Variants in PTPRD observed in about 807,000 individuals in gnomAD.
PTPRD encodes receptor-type tyrosine-protein phosphatase delta.
Under a neutral mutation model 214.5 loss-of-function variants are expected in PTPRD, and 34 were observed. The observed-to-expected ratio is 0.16, with a 90% CI of 0.12 to 0.21. PTPRD has a LOEUF of 0.21. PTPRD is among the 10% of genes least tolerant of loss of function. The pLI, the probability that PTPRD is intolerant of heterozygous loss-of-function variation, is 1.00. For synonymous variants in PTPRD, 1,128 were observed against 845.7 expected, an observed-to-expected ratio of 1.33 and a Z score of -5.79; for missense variants, 2,545 against 2,398.7, an observed-to-expected ratio of 1.06 and a Z score of -1.27.
At chr9:8,540,994 T>C (rs1433486038) in intron 14 of PTPRD, among the ~76,000 whole-genome samples, 1 of 152,120 alleles carries the variant, frequency 6.6e-6, no homozygotes, top group Admixed American at 6.6e-5. Context: ...TTAGAGGGTG[T>C]CTTGAAAGAT....
intron 4 of PTPRD, among the ~76,000 whole-genome samples, chr9:9,969,367 T>G (rs144149495): frequency 0.017 from 2,584 of 152,206 alleles, 80 homozygotes; most frequent in African/African-American, 0.059. Context: ...CTCTTCTTCC[T>G]ACTCCCACCA....
In PTPRD at chr9:8,389,277, C is replaced by G. The variant is rs2135642503; in HGVS notation, c.4341G>C (p.Arg1447=). 1 of 1,612,722 alleles carries G rather than the reference C, an allele frequency of 6.2e-7. No homozygotes were observed. Among genetic ancestry groups the G allele is most frequent in the Non-Finnish European group, 8.5e-7 (1 of 1,179,258 alleles). ...TTGTCATCATGACAACTGTGGCACT[C>G]CGTTGTTCCCATATCATTCTCCAAA... ...GDFWRMIWEQ[R]SATVVMMTKL... is the part of the protein sequence containing the mutation. The change falls in exon 37 of 46, where the codon CGG becomes CGC. Residue 1447 remains arginine (R), a synonymous_variant. Transcript: ENST00000381196.
chr9:9,400,978 A>G (rs2070180031), intron 8 of PTPRD, among the ~76,000 whole-genome samples: 1 of 152,010 alleles, frequency 6.6e-6, no homozygotes, highest in African/African-American at 2.4e-5. Flanking sequence ...CAGAATACTA[A>G]GTTGGATATT....
intron 2 of PTPRD, among the ~76,000 whole-genome samples, chr9:10,509,564 TA>T (rs369013890): frequency 5.5e-5 from 2 of 36,182 alleles, no homozygotes; most frequent in African/African-American, 9.9e-5. Context: ...ATATTATATA[TA>T]TATATATATA....
In PTPRD at chr9:8,524,915, T is replaced by C. The variant is rs1564064785; in HGVS notation, c.679+10A>G. 1.2e-6 allele frequency: 2 copies of C among 1,611,190 alleles called. No individual in the cohort carries two copies. The highest frequency in any genetic ancestry group is 1.7e-6 in the Non-Finnish European group (2 of 1,177,520). On this transcript the variant is annotated intron_variant, in intron 18 of 45. Coordinates refer to ENST00000381196, the MANE Select transcript of PTPRD (RefSeq NM_002839.4). ...ATGAAGAAGCGATGCCAGGGTTATG[T>C]CATTCCTACCTCTGACATATAAATT... is the stretch of plus-strand genomic sequence containing the variant.
At chr9:10,337,215 C>A (rs1268493002) in intron 3 of PTPRD, among the ~76,000 whole-genome samples, 2 of 151,518 alleles carry the variant, frequency 1.3e-5, no homozygotes, top group Non-Finnish European at 3.0e-5. Context: ...TTTGCAAACA[C>A]CATTTATGAA....
chr9:8,407,316 C>A (rs2130784775), intron 35 of PTPRD, among the ~76,000 whole-genome samples: 1 of 152,138 alleles, frequency 6.6e-6, no homozygotes, highest in East Asian at 1.9e-4. Flanking sequence ...TGTTTTTTTC[C>A]ATTTGGCAGG....
chr9:10,133,907 C>T (rs1564028189), intron 3 of PTPRD, among the ~76,000 whole-genome samples: 1 of 152,026 alleles, frequency 6.6e-6, no homozygotes, highest in Non-Finnish European at 1.5e-5. Context: ...CTACTTTTTT[C>T]ATATATCACA....
At chr9:9,638,060 G>A (rs539204651) in intron 7 of PTPRD, among the ~76,000 whole-genome samples, 1 of 152,116 alleles carries the variant, frequency 6.6e-6, no homozygotes, top group East Asian at 1.9e-4. Context: ...ATGTCTTTGG[G>A]GTCATTATCC....
At chr9:9,300,780 T>C (rs370014103) in intron 9 of PTPRD, among the ~76,000 whole-genome samples, 1 of 152,030 alleles carries the variant, frequency 6.6e-6, no homozygotes, top group Admixed American at 6.6e-5. Context: ...AAATTTCTGC[T>C]GTTTATAAGC....
At chr9:9,483,531 G>A (rs1387322664) in intron 8 of PTPRD, among the ~76,000 whole-genome samples, 1 of 152,076 alleles carries the variant, frequency 6.6e-6, no homozygotes, top group Non-Finnish European at 1.5e-5. Context: ...AAGCTTACTA[G>A]AGTCTAAAGA....
At chr9:8,543,192 G>A (rs1459778102) in intron 14 of PTPRD, among the ~76,000 whole-genome samples, 1 of 152,144 alleles carries the variant, frequency 6.6e-6, no homozygotes, top group Non-Finnish European at 1.5e-5. Context: ...CTTACATATT[G>A]AAAACAACCC....
At chr9:9,714,173 G>C (rs927569488) in intron 7 of PTPRD, among the ~76,000 whole-genome samples, 2 of 151,168 alleles carry the variant, frequency 1.3e-5, no homozygotes, top group South Asian at 2.1e-4. Flanking sequence ...CTGAAATGAA[G>C]TTGCACTTTT....
At chr9:9,855,075 C>A (rs958656835) in intron 5 of PTPRD, among the ~76,000 whole-genome samples, 2 of 152,218 alleles carry the variant, frequency 1.3e-5, no homozygotes, top group African/African-American at 4.8e-5. Context: ...GCTTTGCAGA[C>A]ATCTAAGTGA....
At chr9:8,849,544 C>G (rs1000779724) in intron 11 of PTPRD, among the ~76,000 whole-genome samples, 4 of 152,112 alleles carry the variant, frequency 2.6e-5, no homozygotes, top group South Asian at 2.1e-4. Context: ...TTTAGTTCAA[C>G]TCAATTCAAC....
At chr9:8,690,333 C>A (rs2154381133) in intron 12 of PTPRD, among the ~76,000 whole-genome samples, 1 of 151,754 alleles carries the variant, frequency 6.6e-6, no homozygotes. Context: ...GGAGACCATC[C>A]TGGATAACGC....
intron 2 of PTPRD, among the ~76,000 whole-genome samples, chr9:10,406,377 A>T (rs1001923579): frequency 1.3e-5 from 2 of 151,614 alleles, no homozygotes; most frequent in African/African-American, 4.8e-5. Flanking sequence ...TAACAAACGA[A>T]AATTGAAGAA....
intron 3 of PTPRD, among the ~76,000 whole-genome samples, chr9:10,227,050 C>G (rs968429984): frequency 6.6e-6 from 1 of 151,950 alleles, no homozygotes; most frequent in Non-Finnish European, 1.5e-5. Flanking sequence ...ATGACAACAT[C>G]TATACATAAT....
chr9:8,650,604 T>G (rs1043901496), intron 12 of PTPRD, among the ~76,000 whole-genome samples: 1 of 150,704 alleles, frequency 6.6e-6, no homozygotes, highest in Admixed American at 6.6e-5. Flanking sequence ...AAAAATAAAG[T>G]TGACTTGCCT....
Sources: gnomAD v4.1 joint callset for allele counts (sites outside exome capture counted in the v4.1 genomes callset) on GRCh38, gnomAD v4.1.1 for gene constraint, MANE v1.5 for transcripts, NCBI Gene and HGNC (gene_info 2026-07-23, HGNC 2026-07-21) for gene names.